The following TMEM178B variants were observed in gnomAD, a reference collection of about 807,000 sequenced individuals.
The protein encoded by TMEM178B is transmembrane protein 178B.
Under a neutral mutation model 31.0 loss-of-function variants are expected in TMEM178B, and 5 were observed. The observed-to-expected ratio is 0.16, with a 90% confidence interval of 0.08 to 0.34. The LOEUF (loss-of-function observed/expected upper bound fraction) is 0.34, where lower values mean the gene tolerates loss of function less well. TMEM178B is among the 10% of genes least tolerant of loss of function. TMEM178B has a pLI of 1.00. For synonymous variants in TMEM178B, 164 were observed against 164.0 expected, an observed-to-expected ratio of 1.00 and a Z score of 0.00; for missense variants, 275 against 400.3, an observed-to-expected ratio of 0.69 and a Z score of 2.67.
At position 141,477,978 on chromosome 7, in the gene TMEM178B, T is replaced by G. The variant is rs998468308; in HGVS notation, c.*7192T>G. The G allele has an allele frequency of 2.0e-5, 3 of 152,386 alleles. No individual in the cohort carries two copies. Among genetic ancestry groups the G allele is most frequent in the Non-Finnish European group, 4.4e-5 (3 of 68,112 alleles). The allele number at this position is 152,386 out of a possible 1,614,324, so 9.4% of individuals were successfully genotyped here. A position where few individuals can be genotyped will look rare whatever the true frequency, so the allele number is the denominator to read the frequency against. Reference sequence around the variant, plus strand: ...CTCTACTGACTGAGCTTTGCTGCACTGGGCTGGGGTAGGAGAAAGAGCATC... The same window carrying G: ...CTCTACTGACTGAGCTTTGCTGCACGGGGCTGGGGTAGGAGAAAGAGCATC... On this transcript the variant is annotated 3_prime_UTR_variant, in exon 4 of 4. Coordinates refer to ENST00000565468, the MANE Select transcript of TMEM178B (RefSeq NM_001195278.2).
intron 2 of TMEM178B, chr7:141,415,044 G>A (rs898190170): frequency 3.9e-5 from 6 of 152,332 alleles, no homozygotes; most frequent in African/African-American, 1.2e-4. Flanking sequence ...ATGAAGCAGG[G>A]CATGGAGAAG....
chr7:141,209,593 A>G (rs947500367), intron 1 of TMEM178B, among the ~76,000 whole-genome samples: 4 of 152,236 alleles, frequency 2.6e-5, no homozygotes, highest in African/African-American at 9.6e-5. Flanking sequence ...GAATAAGACA[A>G]CATCCCTGCC....
Position 141,470,655 on chromosome 7 carries a change from A to G in TMEM178B, c.754A>G (p.Met252Val), listed in dbSNP as rs1028882315. Residue 252 changes from methionine (M) to valine (V), a missense_variant, in exon 4 of 4, where the codon ATG becomes GTG. Met to Val is a conservative substitution (Grantham distance 21). Coordinates refer to ENST00000565468, the MANE Select transcript of TMEM178B (RefSeq NM_001195278.2). ...CATCAGCCATGGCTATGGCTGGTCCATGTTCTGTGCATGGGGGGGCCTGGG... is the reference window on the plus strand; with the variant it reads ...CATCAGCCATGGCTATGGCTGGTCCGTGTTCTGTGCATGGGGGGGCCTGGG... ...DDISHGYGWS[M>V]FCAWGGLGLT... 2.6e-6 allele frequency: 4 copies of G among 1,535,628 alleles called. No homozygotes were observed. The highest frequency in any genetic ancestry group is 3.5e-6 in the Non-Finnish European group (4 of 1,146,798).
At chr7:141,459,276 C>G (rs1222463640) in intron 3 of TMEM178B, among the ~76,000 whole-genome samples, 1 of 152,212 alleles carries the variant, frequency 6.6e-6, no homozygotes, top group African/African-American at 2.4e-5. Flanking sequence ...TGATCCACCG[C>G]CTCGGCCTCC....
intron 1 of TMEM178B, among the ~76,000 whole-genome samples, chr7:141,204,997 G>GTT (rs937547875): frequency 6.6e-5 from 10 of 151,404 alleles, no homozygotes; most frequent in African/African-American, 2.4e-4. Context: ...ATTTTTAAAA[G>GTT]TTTTTTTTTA....
At chr7:141,429,655 ATATAT>A (rs1801386670) in intron 2 of TMEM178B, 1 of 152,222 alleles carries the variant, frequency 6.6e-6, no homozygotes, top group African/African-American at 2.4e-5. Flanking sequence ...GTTAATGGTG[ATATAT>A]TATATCCTTG....
rs912465273 is a variant in TMEM178B, at chr7:141,475,817, A to T, written c.*5031A>T. 6.6e-6 allele frequency: 1 copy of T among 151,802 alleles called. No homozygotes were observed. Among genetic ancestry groups the T allele is most frequent in the African/African-American group, 2.4e-5 (1 of 41,212 alleles). 9.4% of individuals were successfully genotyped at this position (151,802 alleles called of 1,614,324 possible). A position where few individuals can be genotyped will look rare whatever the true frequency, so the allele number is the denominator to read the frequency against. Reference sequence around the variant, plus strand: ...TTTTTTTTGGTCAGTTGCCATCTCAATCTAATCATAGATGTAAGAATGCGG... The same window carrying T: ...TTTTTTTTGGTCAGTTGCCATCTCATTCTAATCATAGATGTAAGAATGCGG... On this transcript the variant is annotated 3_prime_UTR_variant, in exon 4 of 4. Transcript: ENST00000565468.
chr7:141,113,782 A>C (rs1277901739), intron 1 of TMEM178B, among the ~76,000 whole-genome samples: 2 of 152,194 alleles, frequency 1.3e-5, no homozygotes, highest in African/African-American at 4.8e-5. Context: ...GACTCAGTGA[A>C]TGTCTGTAGA....
Position 141,470,875 on chromosome 7 carries a change from C to G in TMEM178B, c.*89C>G. On this transcript the variant is annotated 3_prime_UTR_variant, in exon 4 of 4. Coordinates refer to ENST00000565468, the MANE Select transcript of TMEM178B (RefSeq NM_001195278.2). ...AAAACAAAACTAAATCAAGACGATG[C>G]CAGTGCCAAGGTAGAGTTGAGTTGG... The G allele has an allele frequency of 6.2e-6, 5 of 805,846 alleles. No individual in the cohort carries two copies. The highest frequency in any genetic ancestry group is 7.7e-6 in the Non-Finnish European group (5 of 648,672). 49.9% of individuals were successfully genotyped at this position (805,846 alleles called of 1,614,324 possible).
At chr7:141,340,343 A>T (rs1467362032) in intron 2 of TMEM178B, among the ~76,000 whole-genome samples, 1 of 152,222 alleles carries the variant, frequency 6.6e-6, no homozygotes, top group Non-Finnish European at 1.5e-5. Flanking sequence ...ATTTGCGATT[A>T]CTTGTTACAG....
chr7:141,224,423 A>G (rs1369279525), intron 2 of TMEM178B, among the ~76,000 whole-genome samples: 1 of 152,226 alleles, frequency 6.6e-6, no homozygotes, highest in Non-Finnish European at 1.5e-5. Flanking sequence ...TTCATACATT[A>G]GAAACAAAAC....
At chr7:141,258,427 T>A (rs1455807030) in intron 2 of TMEM178B, among the ~76,000 whole-genome samples, 1 of 152,198 alleles carries the variant, frequency 6.6e-6, no homozygotes, top group Non-Finnish European at 1.5e-5. Context: ...CTGGGCCACA[T>A]GTGGCCTGTG....
At chr7:141,371,088 C>T (rs1563164336) in intron 2 of TMEM178B, among the ~76,000 whole-genome samples, 1 of 152,226 alleles carries the variant, frequency 6.6e-6, no homozygotes, top group Admixed American at 6.5e-5. Context: ...ATGAGCAAAG[C>T]TGAATTATAA....
intron 2 of TMEM178B, among the ~76,000 whole-genome samples, chr7:141,215,316 T>TTTATTATTA (rs1021886023): frequency 3.5e-5 from 5 of 144,172 alleles, no homozygotes; most frequent in Non-Finnish European, 7.6e-5. Flanking sequence ...GGTTATCATC[T>TTTATTATTA]TTATTATTAT....
In TMEM178B at chr7:141,131,731, T is replaced by G. The variant is rs189015600; in HGVS notation, c.382+57039T>G. 5.9e-5 allele frequency among the ~76,000 whole-genome samples: 9 copies of G among 152,284 alleles called. No homozygotes were observed. In the East Asian group the frequency reaches 1.7e-3, roughly 29 times the overall value. On this transcript the variant is annotated intron_variant, in intron 1 of 3. Coordinates refer to ENST00000565468, the MANE Select transcript of TMEM178B (RefSeq NM_001195278.2). ...TGGGCATTTGGGTAGTTTCTAGTTT[T>G]GGGCTATTTTGAATACATTTGCTAT...
chr7:141,157,601 C>T (rs117553366), intron 1 of TMEM178B, among the ~76,000 whole-genome samples: 10 of 152,228 alleles, frequency 6.6e-5, no homozygotes, highest in Admixed American at 1.3e-4. Context: ...CTCAGCAGCC[C>T]GACCCCAGGT....
chr7:141,450,000 G>A (rs1801834864), intron 3 of TMEM178B, among the ~76,000 whole-genome samples: 1 of 152,160 alleles, frequency 6.6e-6, no homozygotes, highest in African/African-American at 2.4e-5. Context: ...AACAGAGTCT[G>A]GGCTACTGGG....
chr7:141,415,976 T>C (rs368463333), intron 2 of TMEM178B: 5 of 152,762 alleles, frequency 3.3e-5, no homozygotes, highest in African/African-American at 1.2e-4. Flanking sequence ...AATGTAATAT[T>C]ATAAGCTTAT....
At chr7:141,247,204 TACAC>T (rs3035767) in intron 2 of TMEM178B, among the ~76,000 whole-genome samples, 70,456 of 149,818 alleles carry the variant, frequency 0.47, 16,761 homozygotes, top group East Asian at 0.78. Flanking sequence ...GGTTTCTCTC[TACAC>T]ACACACACAC....
Sources: allele counts gnomAD v4.1 joint callset (sites outside exome capture counted in the v4.1 genomes callset), GRCh38; gene constraint gnomAD v4.1.1; transcripts MANE v1.5; gene names NCBI Gene and HGNC (gene_info 2026-07-23, HGNC 2026-07-21).